Variants in KIAA1549L observed in about 807,000 individuals in gnomAD.
The protein encoded by KIAA1549L is KIAA1549 like.
In KIAA1549L, 88 loss-of-function variants were observed where a neutral mutation model predicts 160.7. The ratio of observed to expected loss-of-function variants is 0.55; its 90% CI spans 0.46 to 0.65. The LOEUF (loss-of-function observed/expected upper bound fraction) is 0.65. KIAA1549L is among the 30% of genes least tolerant of loss of function. KIAA1549L has a pLI of 0.00. For synonymous variants in KIAA1549L, 950 were observed against 976.7 expected (o/e 0.97, Z 0.51); for missense variants, 2,258 against 2,437.5 (o/e 0.93, Z 1.55).
chr11:33,471,106 G>A (rs1852169125), intron 1 of KIAA1549L, among the ~76,000 whole-genome samples: 2 of 151,972 alleles, frequency 1.3e-5, no homozygotes, highest in African/African-American at 2.4e-5. Flanking sequence ...CACGCATGCC[G>A]CTGCACCTGG....
At position 33,668,245 on chromosome 11, in the gene KIAA1549L, C is replaced by T; in HGVS notation, c.*91C>T. 2 of 1,195,012 alleles carry T rather than the reference C, an allele frequency of 1.7e-6. No individual in the cohort carries two copies. Among genetic ancestry groups the T allele is most frequent in the Non-Finnish European group, 2.4e-6 (2 of 847,830 alleles). 74.0% of individuals were successfully genotyped at this position (1,195,012 alleles called of 1,614,324 possible). On this transcript the variant is annotated 3_prime_UTR_variant, in exon 21 of 21. Transcript: ENST00000658780. The stretch of plus-strand genomic sequence containing the variant: ...CTACGTGTTAGGACTTGAGACATAG[C>T]AATGGGTGAGTCTTTCTCACCCTCC...
chr11:33,626,526 T>C (rs1851118030), intron 16 of KIAA1549L, among the ~76,000 whole-genome samples: 2 of 141,582 alleles, frequency 1.4e-5, no homozygotes, highest in South Asian at 4.6e-4. Context: ...GAAGCAATTG[T>C]GAATGGGAGT....
chr11:33,571,079 T>C lies in KIAA1549L; in HGVS notation c.4230+2852T>C, dbSNP rs373010066. The stretch of plus-strand genomic sequence containing the variant: ...GCAGGTGGATCACAAGGTCAAGAGA[T>C]GGAGACCATTCTGGCTAACATGGTG... On this transcript the variant is annotated intron_variant, in intron 9 of 20. Transcript: ENST00000658780. Among the ~76,000 whole-genome samples, 94 of 152,336 alleles carry C rather than the reference T, an allele frequency of 6.2e-4. 1 individual carries two copies. The highest frequency in any genetic ancestry group is 2.1e-3 in the African/African-American group (87 of 41,578).
In KIAA1549L at chr11:33,660,889, A is replaced by T; in HGVS notation, c.6034A>T (p.Ile2012Phe). 6.2e-7 allele frequency: 1 copy of T among 1,613,894 alleles called. No homozygotes were observed. Among genetic ancestry groups the T allele is most frequent in the Middle Eastern group, 1.6e-4 (1 of 6,062 alleles). Reference protein sequence around the residue: ...SGNTVPAVFAIPAANRPGFTG... With the variant: ...SGNTVPAVFAFPAANRPGFTG... ...TAATACGGTGCCAGCAGTGTTCGCC[A>T]TCCCAGCTGCCAACAGACCTGGCTT... is the stretch of plus-strand genomic sequence containing the variant. The change falls in exon 20 of 21, where the codon ATC (isoleucine) becomes TTC (phenylalanine). Residue 2012 changes from isoleucine (I) to phenylalanine (F), a missense_variant. Physicochemically the swap from Ile to Phe is conservative, Grantham distance 21 (BLOSUM62 0). Around this residue, in one of 6 missense-constraint regions of KIAA1549L, gnomAD observed 1,359 missense variants for 1,546.6 expected, o/e 0.88. Coordinates refer to ENST00000658780, the MANE Select transcript of KIAA1549L (RefSeq NM_012194.3).
intron 1 of KIAA1549L, among the ~76,000 whole-genome samples, chr11:33,416,454 A>C (rs1850891175): frequency 1.3e-5 from 2 of 152,048 alleles, no homozygotes; most frequent in Non-Finnish European, 2.9e-5. Context: ...TGCAGCTCAA[A>C]AATGTTTGAA....
At position 33,542,721 on chromosome 11, in the gene KIAA1549L, C is replaced by CCAG. The variant is rs775044586; in HGVS notation, c.1162_1164dup (p.Gln388dup). The CCAG allele has an allele frequency of 1.9e-6, 3 of 1,613,884 alleles. No individual in the cohort carries two copies. The highest frequency in any genetic ancestry group is 2.5e-6 in the Non-Finnish European group (3 of 1,179,888). On this transcript the variant is annotated inframe_insertion, in exon 2 of 21. Coordinates refer to ENST00000658780, the MANE Select transcript of KIAA1549L (RefSeq NM_012194.3). ...AAGTGGCTTCAGGTCCTGCATCCAC[C>CCAG]CAGCAGATCAAAGCTGGGGTGCCTG...
intron 1 of KIAA1549L, among the ~76,000 whole-genome samples, chr11:33,439,000 C>G (rs934504786): frequency 1.3e-5 from 2 of 152,096 alleles, no homozygotes; most frequent in Non-Finnish European, 2.9e-5. Context: ...GATCTCAGCT[C>G]ACTGCAACCT....
At chr11:33,451,379 T>C (rs1220100351) in intron 1 of KIAA1549L, among the ~76,000 whole-genome samples, 1 of 152,198 alleles carries the variant, frequency 6.6e-6, no homozygotes, top group Non-Finnish European at 1.5e-5. Context: ...ATCTCAACAA[T>C]TTTACAAGGG....
At chr11:33,665,485 A>T (rs1456153419) in intron 20 of KIAA1549L, 1 of 152,024 alleles carries the variant, frequency 6.6e-6, no homozygotes, top group African/African-American at 2.4e-5. Context: ...CAGGGAGGGT[A>T]GTTCCTCTCT....
At chr11:33,641,023 A>G (rs1851566513) in intron 16 of KIAA1549L, among the ~76,000 whole-genome samples, 2 of 152,216 alleles carry the variant, frequency 1.3e-5, no homozygotes, top group Admixed American at 1.3e-4. Flanking sequence ...AATAAAAGCA[A>G]AAGGCATTTT....
intron 1 of KIAA1549L, among the ~76,000 whole-genome samples, chr11:33,394,391 T>TAATA (rs34927211): frequency 0.051 from 5,239 of 103,154 alleles, 105 homozygotes; most frequent in Middle Eastern, 0.074. Flanking sequence ...AACTCATAAA[T>TAATA]AATAAATAAA....
chr11:33,640,079 T>C (rs1851544922), intron 16 of KIAA1549L, among the ~76,000 whole-genome samples: 2 of 152,158 alleles, frequency 1.3e-5, no homozygotes, highest in Non-Finnish European at 1.5e-5. Context: ...AAAAACCTTA[T>C]ATATGTGTGC....
intron 16 of KIAA1549L, among the ~76,000 whole-genome samples, chr11:33,644,342 A>T (rs969019615): frequency 1.3e-5 from 2 of 152,250 alleles, no homozygotes; most frequent in Admixed American, 6.5e-5. Flanking sequence ...TTTTAAAATG[A>T]AGTATAATGC....
At chr11:33,516,097 A>C (rs1221515340) in intron 1 of KIAA1549L, among the ~76,000 whole-genome samples, 4 of 151,700 alleles carry the variant, frequency 2.6e-5, no homozygotes, top group Non-Finnish European at 5.9e-5. Flanking sequence ...AGAATTCTTC[A>C]TAACAGTCTA....
intron 5 of KIAA1549L, among the ~76,000 whole-genome samples, 184 bp downstream of exon 5, chr11:33,551,443 A>G (rs1039662173): frequency 2.0e-5 from 3 of 152,094 alleles, no homozygotes; most frequent in African/African-American, 7.2e-5. Context: ...AACTCTTCCA[A>G]CCCTAGATTT....
At chr11:33,479,010 G>A (rs1852353294) in intron 1 of KIAA1549L, among the ~76,000 whole-genome samples, 1 of 152,200 alleles carries the variant, frequency 6.6e-6, no homozygotes, top group Admixed American at 6.5e-5. Context: ...TACTCAGTTA[G>A]TAAATGGTAG....
In KIAA1549L at chr11:33,668,148, G is replaced by C. The variant is rs374799578; in HGVS notation, c.6435G>C (p.Gln2145His). 2.9e-5 allele frequency: 47 copies of C among 1,612,782 alleles called. No individual in the cohort carries two copies. In the African/African-American group the frequency reaches 3.9e-4, roughly 13 times the overall value. ...AACAGACAGACATGTTTGAGTTCCAGGTCTAACGCCTTAGCCCCGTGGGAC... is the reference window on the plus strand; with the variant it reads ...AACAGACAGACATGTTTGAGTTCCACGTCTAACGCCTTAGCCCCGTGGGAC... ...AKKQTDMFEF[Q>H]V Residue 2145 changes from glutamine (Q) to histidine (H), a missense_variant, in exon 21 of 21, where the codon CAG becomes CAC. Physicochemically the swap from Gln to His is conservative, Grantham distance 24. Around this residue, in one of 6 missense-constraint regions of KIAA1549L, gnomAD observed 1,359 missense variants for 1,546.6 expected, o/e 0.88. Transcript: ENST00000658780.
intron 20 of KIAA1549L, among the ~76,000 whole-genome samples, chr11:33,663,061 T>C (rs1651386822): frequency 6.6e-6 from 1 of 152,138 alleles, no homozygotes; most frequent in African/African-American, 2.4e-5. Flanking sequence ...AAACGGGTGA[T>C]TTATAGCATA....
At chr11:33,549,773 G>A (rs1468110137) in intron 4 of KIAA1549L, among the ~76,000 whole-genome samples, 3 of 152,154 alleles carry the variant, frequency 2.0e-5, no homozygotes, top group Non-Finnish European at 4.4e-5. Flanking sequence ...GGAGGCCGAG[G>A]TGGGAGGGTC....
Sources: gnomAD v4.1 joint callset for allele counts (sites outside exome capture counted in the v4.1 genomes callset) on GRCh38, gnomAD v4.1.1 for gene constraint, gnomAD v4.1.1 regional missense constraint, MANE v1.5 for transcripts, NCBI Gene and HGNC (gene_info 2026-07-23, HGNC 2026-07-21) for gene names.